Variants in SLC38A9 observed in about 807,000 individuals in gnomAD.
The protein encoded by SLC38A9 is neutral amino acid transporter 9.
SLC38A9 carries 48 observed loss-of-function variants against 62.3 expected under a neutral mutation model. The observed-to-expected ratio is 0.77, with a 90% CI of 0.61 to 0.98. The LOEUF (loss-of-function observed/expected upper bound fraction) is 0.98. SLC38A9 is among the 50% of genes least tolerant of loss of function. SLC38A9 has a pLI of 0.00. For synonymous variants in SLC38A9, 204 were observed against 227.7 expected, an observed-to-expected ratio of 0.90 and a Z score of 0.94; for missense variants, 541 against 679.8, an observed-to-expected ratio of 0.80 and a Z score of 2.27.
rs752106294 is a variant in SLC38A9 at position 55,626,484 on chromosome 5, T to TTGAGGTATTTCACATA, written c.1680_*9dup. On this transcript the variant is annotated 3_prime_UTR_variant, in exon 16 of 16. Transcript: ENST00000396865. ...TCATGAGAGCTCTTGAAAAAAACAG[T>TTGAGGTATTTCACATA]TGAGGTATTTCACATAAAAAACTGA... is the stretch of plus-strand genomic sequence containing the variant. 3 of 1,604,632 alleles carry TTGAGGTATTTCACATA rather than the reference T, an allele frequency of 1.9e-6. No individual in the cohort carries two copies. The South Asian group carries it at 3.3e-5, about 18-fold the overall frequency.
intron 3 of SLC38A9, among the ~76,000 whole-genome samples, chr5:55,687,934 T>C (rs972842012): frequency 6.6e-6 from 1 of 152,168 alleles, no homozygotes; most frequent in Non-Finnish European, 1.5e-5. Context: ...CCTGACCTCA[T>C]GATCCGCCCG....
chr5:55,629,007 T>A (rs1301601227), intron 14 of SLC38A9, among the ~76,000 whole-genome samples: 1 of 152,180 alleles, frequency 6.6e-6, no homozygotes, highest in South Asian at 2.1e-4. Flanking sequence ...AATAAGTGGT[T>A]AGTCATATAC....
intron 4 of SLC38A9, 94 bp from the exon 5 acceptor site, chr5:55,669,973 T>A (rs974965684): frequency 2.7e-5 from 33 of 1,234,038 alleles, no homozygotes; most frequent in Admixed American, 4.9e-5. Flanking sequence ...AGACACCTTT[T>A]TTTTTCTTTT....
intron 8 of SLC38A9, among the ~76,000 whole-genome samples, chr5:55,661,444 CAAAAAAAAAA>C (rs3072768): frequency 7.4e-5 from 5 of 67,670 alleles, no homozygotes; most frequent in South Asian, 1.6e-3. Flanking sequence ...GACTCCGTCT[CAAAAAAAAAA>C]AAAAAAAAAA....
rs114925277 is a variant in SLC38A9 at position 55,684,151 on chromosome 5, T to C, written c.114-11456A>G. On this transcript the variant is annotated intron_variant, in intron 3 of 15. Coordinates refer to ENST00000396865, the MANE Select transcript of SLC38A9 (RefSeq NM_173514.4). ...AGTCACTGCCAAATTCTCAGTCTTATTTTAATTTCCTTGAACATGTTAAAG... is the reference window on the plus strand; with the variant it reads ...AGTCACTGCCAAATTCTCAGTCTTACTTTAATTTCCTTGAACATGTTAAAG... Among the ~76,000 whole-genome samples, 418 of 152,344 alleles carry C rather than the reference T, an allele frequency of 2.7e-3. 4 individuals carry two copies. Among genetic ancestry groups the C allele is most frequent in the African/African-American group, 9.2e-3 (382 of 41,578 alleles).
At chr5:55,662,467 C>T (rs1014320993) in intron 8 of SLC38A9, among the ~76,000 whole-genome samples, 2 of 151,950 alleles carry the variant, frequency 1.3e-5, no homozygotes, top group Admixed American at 6.6e-5. Flanking sequence ...GTCAGGAGAT[C>T]GAGACCATCC....
chr5:55,658,972 A>ATTTAATTAAATGAATTAATTAAT (rs1748969334), intron 8 of SLC38A9, among the ~76,000 whole-genome samples: 1 of 152,262 alleles, frequency 6.6e-6, no homozygotes, highest in Non-Finnish European at 1.5e-5. Context: ...CATTTAATTC[A>ATTTAATTAAATGAATTAATTAAT]TCATATTGAT....
At chr5:55,690,691 C>T (rs1754602787) in intron 3 of SLC38A9, among the ~76,000 whole-genome samples, 1 of 152,132 alleles carries the variant, frequency 6.6e-6, no homozygotes, top group African/African-American at 2.4e-5. Context: ...TGTCACTGGG[C>T]CAGGATCTAT....
intron 3 of SLC38A9, among the ~76,000 whole-genome samples, chr5:55,689,452 A>G (rs1438316479): frequency 1.3e-5 from 2 of 152,172 alleles, no homozygotes; most frequent in Admixed American, 1.3e-4. Flanking sequence ...ATTCAATAAT[A>G]TTTGGTTTTA....
intron 13 of SLC38A9, 138 bp downstream of exon 13, chr5:55,635,406 C>T (rs1434264510): frequency 1.4e-6 from 1 of 706,074 alleles, no homozygotes; most frequent in East Asian, 2.7e-5. Context: ...GCCTAAATTC[C>T]CATACTTGGA....
intron 14 of SLC38A9, among the ~76,000 whole-genome samples, chr5:55,630,202 A>C (rs1743183508): frequency 6.6e-6 from 1 of 151,666 alleles, no homozygotes; most frequent in Non-Finnish European, 1.5e-5. Flanking sequence ...CACAAATCTA[A>C]ACGAAAACAG....
At position 55,697,826 on chromosome 5, in the gene SLC38A9, G is replaced by T; in HGVS notation, c.113+20C>A. 7.6e-7 allele frequency: 1 copy of T among 1,314,264 alleles called. No individual in the cohort carries two copies. 81.4% of individuals were successfully genotyped at this position (1,314,264 alleles called of 1,614,324 possible). A position where few individuals can be genotyped will look rare whatever the true frequency, so the allele number is the denominator to read the frequency against. ...ATTAAAGACCCTAATTATGAAATGT[G>T]TTTTATTTTAAATGCTTACCTTTTG... On this transcript the variant is annotated intron_variant, in intron 3 of 15. Coordinates refer to ENST00000396865, the MANE Select transcript of SLC38A9 (RefSeq NM_173514.4).
At position 55,635,592 on chromosome 5, in the gene SLC38A9, A is replaced by G; in HGVS notation, c.1233T>C (p.Val411=). Residue 411 remains valine (V), a synonymous_variant, in exon 13 of 16, where the codon GTT becomes GTC. Coordinates refer to ENST00000396865, the MANE Select transcript of SLC38A9 (RefSeq NM_173514.4). ...ATGGTGGTGAAGGAAATGAAGCAAA[A>G]ACCAGGACTCCAATATAGAGATAAG... ...TLTYLYIGVL[V]FASFPSPPLS... is the part of the protein sequence containing the mutation. The G allele has an allele frequency of 6.2e-7, 1 of 1,613,948 alleles. No individual in the cohort carries two copies. The highest frequency in any genetic ancestry group is 1.1e-5 in the South Asian group (1 of 91,068).
chr5:55,669,321 C>T lies in SLC38A9; in HGVS notation c.433G>A (p.Ala145Thr). ...ILSIPWGIKQ[A>T]GFTTGMCVII... is the part of the protein sequence containing the mutation. ...ACACACATTCCAGTAGTAAATCCAG[C>T]CTGTTTAAAAATAAAAGTATAAAAC... The change falls in exon 7 of 16, where the codon GCT (alanine) becomes ACT (threonine). Residue 145 changes from alanine to threonine, a missense_variant and splice_region_variant. Ala to Thr is a moderately conservative substitution (Grantham distance 58). Coordinates refer to ENST00000396865, the MANE Select transcript of SLC38A9 (RefSeq NM_173514.4). The T allele has an allele frequency of 1.2e-6, 2 of 1,608,344 alleles. No individual in the cohort carries two copies. The highest frequency in any genetic ancestry group is 1.7e-6 in the Non-Finnish European group (2 of 1,177,606).
At chr5:55,672,855 A>T in intron 3 of SLC38A9, 160 bp from the exon 4 acceptor site, 3 of 624,688 alleles carry the variant, frequency 4.8e-6, no homozygotes, top group Non-Finnish European at 8.0e-6. Flanking sequence ...TTACAAAAGA[A>T]GTATTATCCT....
intron 12 of SLC38A9, among the ~76,000 whole-genome samples, chr5:55,637,982 A>T (rs1744723210): frequency 7.1e-6 from 1 of 139,946 alleles, no homozygotes; most frequent in Admixed American, 7.1e-5. Flanking sequence ...AACAATAATA[A>T]TAAAAAAAAA....
intron 10 of SLC38A9, among the ~76,000 whole-genome samples, chr5:55,651,818 G>A (rs748864825): frequency 4.6e-5 from 7 of 152,020 alleles, no homozygotes; most frequent in African/African-American, 7.2e-5. Flanking sequence ...GTTTCCAACC[G>A]TTAGAATCAA....
intron 14 of SLC38A9, among the ~76,000 whole-genome samples, chr5:55,632,310 C>A (rs1714923380): frequency 6.6e-6 from 1 of 151,924 alleles, no homozygotes; most frequent in Non-Finnish European, 1.5e-5. Flanking sequence ...TGGTGGTGGG[C>A]GCCTGTAGTC....
intron 7 of SLC38A9, among the ~76,000 whole-genome samples, chr5:55,666,823 C>CGAGACCACAGTGAAATCCCGAGATT (rs1561372165): frequency 6.6e-6 from 1 of 152,036 alleles, no homozygotes; most frequent in African/African-American, 2.4e-5. Flanking sequence ...GTCAGGAGAT[C>CGAGACCACAGTGAAATCCCGAGATT]GAGACCACAG....
Sources: allele counts gnomAD v4.1 joint callset (sites outside exome capture counted in the v4.1 genomes callset), GRCh38; gene constraint gnomAD v4.1.1; transcripts MANE v1.5; gene names NCBI Gene and HGNC (gene_info 2026-07-23, HGNC 2026-07-21).